The following TPRG1 variants were observed in gnomAD, a reference collection of about 807,000 sequenced individuals.
TPRG1 encodes the protein tumor protein p63-regulated gene 1 protein.
TPRG1 carries 29 observed loss-of-function variants against 29.3 expected under a neutral mutation model. The observed-to-expected ratio is 0.99, with a 90% CI of 0.74 to 1.35. The LOEUF (loss-of-function observed/expected upper bound fraction) is 1.35, where lower values mean the gene tolerates loss of function less well. Ranked by LOEUF, TPRG1 falls within the 40% of genes most tolerant of loss-of-function variation. The pLI, the probability that TPRG1 is intolerant of heterozygous loss-of-function variation, is 0.00. For missense variants in TPRG1, 327 were observed against 335.0 expected, an observed-to-expected ratio of 0.98 and a Z score of 0.19; for synonymous variants, 130 against 116.8, an observed-to-expected ratio of 1.11 and a Z score of -0.73.
intron 4 of TPRG1, among the ~76,000 whole-genome samples, chr3:189,244,970 G>C (rs1046209520): frequency 9.9e-5 from 15 of 152,110 alleles, no homozygotes; most frequent in Non-Finnish European, 1.8e-4. Context: ...GCCCAAGCTG[G>C]AGTGCAACGG....
intron 3 of TPRG1, among the ~76,000 whole-genome samples, chr3:189,220,327 C>T (rs1434842009): frequency 6.6e-6 from 1 of 151,684 alleles, no homozygotes; most frequent in Non-Finnish European, 1.5e-5. Flanking sequence ...TGTATTCTTG[C>T]CAAAAATTGT....
intron 5 of TPRG1, among the ~76,000 whole-genome samples, chr3:189,161,472 TTA>T (rs200561569): frequency 0.025 from 2,752 of 108,402 alleles, 75 homozygotes; most frequent in African/African-American, 0.13. Context: ...TTCTTTTTTT[TTA>T]TTATTATTAT....
chr3:189,312,181 CTTTTTTTCTTT>C (rs1722758219), intron 5 of TPRG1, among the ~76,000 whole-genome samples: 2 of 51,446 alleles, frequency 3.9e-5, no homozygotes, highest in African/African-American at 7.4e-5. Flanking sequence ...TTCTTTCTTT[CTTTTTTTCTTT>C]CTTTCTTTCT....
chr3:189,209,346 T>C (rs1734903441), intron 2 of TPRG1, among the ~76,000 whole-genome samples: 1 of 152,222 alleles, frequency 6.6e-6, no homozygotes, highest in African/African-American at 2.4e-5. Flanking sequence ...ACCTTTTGAA[T>C]ATTACACAGG....
At chr3:189,057,041 C>T (rs1715746451) in intron 4 of TPRG1, among the ~76,000 whole-genome samples, 2 of 152,186 alleles carry the variant, frequency 1.3e-5, no homozygotes, top group Admixed American at 1.3e-4. Context: ...CCCCTTGAAG[C>T]ATTGCTAAAT....
At chr3:189,148,314 A>G (rs1016678487) in intron 4 of TPRG1, among the ~76,000 whole-genome samples, 1 of 152,212 alleles carries the variant, frequency 6.6e-6, no homozygotes, top group Non-Finnish European at 1.5e-5. Context: ...TATAAAACAC[A>G]GTTCCTGGCT....
intron 3 of TPRG1, among the ~76,000 whole-genome samples, chr3:189,138,710 G>T (rs1724106645): frequency 6.6e-6 from 1 of 152,218 alleles, no homozygotes; most frequent in African/African-American, 2.4e-5. Context: ...AGGGGTCCAG[G>T]GAATTAGAGG....
At chr3:189,159,098 C>T (rs1366269805) in intron 5 of TPRG1, among the ~76,000 whole-genome samples, 1 of 152,130 alleles carries the variant, frequency 6.6e-6, no homozygotes, top group African/African-American at 2.4e-5. Flanking sequence ...GCTCCTCTCA[C>T]ACCACATGTG....
At chr3:189,175,297 G>A (rs1448657816) in intron 1 of TPRG1, among the ~76,000 whole-genome samples, 2 of 152,174 alleles carry the variant, frequency 1.3e-5, no homozygotes, top group African/African-American at 4.8e-5. Context: ...CGTGAGAAGA[G>A]TTTTCAACAA....
At chr3:189,226,667 C>G (rs1309338737) in intron 3 of TPRG1, among the ~76,000 whole-genome samples, 1 of 150,172 alleles carries the variant, frequency 6.7e-6, no homozygotes, top group Non-Finnish European at 1.5e-5. Flanking sequence ...AAGTAAATAA[C>G]TTAGATAAGA....
At chr3:189,133,773 G>A (rs896643753) in intron 3 of TPRG1, among the ~76,000 whole-genome samples, 1 of 152,146 alleles carries the variant, frequency 6.6e-6, no homozygotes, top group Non-Finnish European at 1.5e-5. Context: ...CTAGACAAGA[G>A]AAGATCTACA....
chr3:189,207,704 A>G (rs545665686), intron 2 of TPRG1, 110 bp downstream of exon 2: 156 of 999,200 alleles, frequency 1.6e-4, no homozygotes, highest in Admixed American at 5.1e-4. Context: ...GTCTCATGTA[A>G]TCGTCATAAT....
At chr3:189,261,369 A>C (rs1713005743) in intron 4 of TPRG1, among the ~76,000 whole-genome samples, 1 of 151,842 alleles carries the variant, frequency 6.6e-6, no homozygotes, top group African/African-American at 2.4e-5. Context: ...TTTCCCTCTA[A>C]TCACGTCTTT....
Position 189,201,958 on chromosome 3 carries a change from G to T in TPRG1, c.-9-5418G>T, listed in dbSNP as rs1459524478. Among the ~76,000 whole-genome samples the T allele has an allele frequency of 2.6e-5, 4 of 151,918 alleles. No homozygotes were observed. The East Asian group carries it at 7.7e-4, about 29-fold the overall frequency. ...GAGCCACTGCTCGCAGCCTCAAATT[G>T]GCCTTTATTGAACTGTTGTGAGAGG... On this transcript the variant is annotated intron_variant, in intron 1 of 5. Coordinates refer to ENST00000345063, the MANE Select transcript of TPRG1 (RefSeq NM_198485.4).
At chr3:189,297,142 G>A (rs1272238325) in intron 4 of TPRG1, among the ~76,000 whole-genome samples, 6 of 152,064 alleles carry the variant, frequency 3.9e-5, no homozygotes, top group South Asian at 2.1e-4. Context: ...CACCAAGCCC[G>A]GCTGATTTTT....
intron 2 of TPRG1, among the ~76,000 whole-genome samples, chr3:189,004,318 C>G (rs964783321): frequency 4.6e-5 from 7 of 152,114 alleles, no homozygotes; most frequent in African/African-American, 1.7e-4. Flanking sequence ...GTTTCCCACT[C>G]CTGTTCCTAG....
intron 4 of TPRG1, among the ~76,000 whole-genome samples, chr3:189,054,698 C>T (rs996303246): frequency 2.0e-5 from 3 of 151,928 alleles, no homozygotes; most frequent in Non-Finnish European, 4.4e-5. Context: ...GAGAGGATCA[C>T]TTGAGCCCAG....
At chr3:189,113,185 A>G (rs1278161837) in intron 1 of TPRG1, among the ~76,000 whole-genome samples, 3 of 152,174 alleles carry the variant, frequency 2.0e-5, no homozygotes, top group Non-Finnish European at 2.9e-5. Flanking sequence ...TTTGTCTGTT[A>G]TTGGTGTATA....
At chr3:189,094,475 G>T (rs1020485622) in intron 4 of TPRG1, among the ~76,000 whole-genome samples, 2 of 152,030 alleles carry the variant, frequency 1.3e-5, no homozygotes, top group Non-Finnish European at 2.9e-5. Flanking sequence ...GACAATCCCC[G>T]TTAAATGGCT....
Sources: allele counts gnomAD v4.1 joint callset (sites outside exome capture counted in the v4.1 genomes callset), GRCh38; gene constraint gnomAD v4.1.1; transcripts MANE v1.5; gene names NCBI Gene and HGNC (gene_info 2026-07-23, HGNC 2026-07-21).